Variants in BTD observed in about 807,000 individuals in gnomAD.
The protein encoded by BTD is biocytinase.
In BTD, 13 loss-of-function variants were observed where a neutral mutation model predicts 17.7. The ratio of observed to expected loss-of-function variants is 0.74; its 90% CI spans 0.48 to 1.17. The LOEUF (loss-of-function observed/expected upper bound fraction) is 1.17. Among genes scored for constraint, BTD ranks in the 50% most tolerant of loss-of-function variants. The pLI is 0.00. For missense variants in BTD, 674 were observed against 650.4 expected (o/e 1.04, Z -0.39); for synonymous variants, 240 against 245.2 (o/e 0.98, Z 0.20).
rs1385284105 is a variant in BTD at position 15,676,822 on chromosome 3, T to C, written c.400-33238T>C. On this transcript the variant is annotated intron_variant, in intron 3 of 3. Coordinates refer to the BTD transcript ENST00000672141. The stretch of plus-strand genomic sequence containing the variant: ...ATAATATGGCTTTTAGTTGTGATCA[T>C]TTTAGAAATGAGTTTTGACAGTTGT... The C allele has an allele frequency of 7.3e-6, 4 of 549,530 alleles. No homozygotes were observed. In the African/African-American group the frequency reaches 7.7e-5, roughly 11 times the overall value. The allele number at this position is 549,530 out of a possible 1,614,324, so 34.0% of individuals were successfully genotyped here.
chr3:15,703,925 A>G (rs2125986152), intron 3 of BTD, among the ~76,000 whole-genome samples: 1 of 152,320 alleles, frequency 6.6e-6, no homozygotes, highest in East Asian at 1.9e-4. Context: ...ATCTACATAC[A>G]CACAGAGCAA....
intron 2 of BTD, among the ~76,000 whole-genome samples, chr3:15,640,087 G>C (rs1057461998): frequency 3.3e-5 from 5 of 152,156 alleles, no homozygotes; most frequent in African/African-American, 1.2e-4. Context: ...CTGGGCGACA[G>C]ACCAAGACTC....
intron 1 of BTD, among the ~76,000 whole-genome samples, chr3:15,630,333 G>A (rs975755661): frequency 2.0e-4 from 30 of 152,310 alleles, no homozygotes; most frequent in African/African-American, 5.8e-4. Context: ...GTTTGTCCAC[G>A]GAGTGGCAGT....
At chr3:15,679,661 C>T (rs924305996) in intron 3 of BTD, 2 of 878,602 alleles carry the variant, frequency 2.3e-6, no homozygotes, top group Non-Finnish European at 3.6e-6. Flanking sequence ...GTAAAAGTCT[C>T]TCCCTCATCC....
downstream of BTD, among the ~76,000 whole-genome samples, chr3:15,658,179 A>G (rs201575953): frequency 1.6e-4 from 24 of 151,976 alleles, no homozygotes; most frequent in East Asian, 3.5e-3. Context: ...AAAAAAAAAA[A>G]AAAGAAAGAA....
downstream of BTD, among the ~76,000 whole-genome samples, chr3:15,653,894 T>C (rs1378556498): frequency 6.6e-6 from 1 of 152,244 alleles, no homozygotes; most frequent in Admixed American, 6.5e-5. Flanking sequence ...CTGTTACTGT[T>C]TTTTAAAATT....
chr3:15,707,440 A>G (rs2071609297), intron 3 of BTD, among the ~76,000 whole-genome samples: 1 of 152,236 alleles, frequency 6.6e-6, no homozygotes, highest in Non-Finnish European at 1.5e-5. Flanking sequence ...CCTACTACGT[A>G]CCAGATTCTG....
chr3:15,713,466 T>C, downstream of BTD: 1 of 1,264,748 alleles, frequency 7.9e-7, no homozygotes, highest in Non-Finnish European at 1.1e-6. Context: ...TCTAGAAAAC[T>C]GCAGTTCACT....
Position 15,708,104 on chromosome 3 carries a change from A to G in BTD, c.400-1956A>G, listed in dbSNP as rs773677063. On this transcript the variant is annotated intron_variant, in intron 3 of 3. Coordinates refer to the BTD transcript ENST00000672141. ...TTAATACAAGAAAGATAAAAGCCAG[A>G]GACATAACTAGTAAACAAAAGCATA... The G allele has an allele frequency of 5.8e-6, 9 of 1,560,802 alleles. No individual in the cohort carries two copies. The Admixed American group carries it at 1.3e-4, about 23-fold the overall frequency.
At chr3:15,678,240 C>T (rs368204050) in intron 3 of BTD, 26 of 1,611,634 alleles carry the variant, frequency 1.6e-5, no homozygotes, top group Non-Finnish European at 2.2e-5. Flanking sequence ...TTTCTGCAGC[C>T]ATCATAAGAG....
chr3:15,617,724 AAAAT>A (rs992533720), intron 1 of BTD, among the ~76,000 whole-genome samples: 2 of 152,218 alleles, frequency 1.3e-5, no homozygotes, highest in Non-Finnish European at 2.9e-5. Flanking sequence ...CCTCATTTGT[AAAAT>A]AAATAAATAA....
rs905555 is a variant in BTD, at chr3:15,651,452, G to A, written c.*5964G>A. Among the ~76,000 whole-genome samples the A allele has an allele frequency of 0.47, 72,012 of 152,080 alleles. 20,206 individuals are homozygous for A. The highest frequency in any genetic ancestry group is 0.64 in the Middle Eastern group (189 of 294). ...TACCCAGCGGCCAGCGACAGCAGGA[G>A]CTATGAGCACCCCAGGCCTGAAGGT... On this transcript the variant is annotated 3_prime_UTR_variant, in exon 4 of 4. Coordinates refer to ENST00000643237, the MANE Select transcript of BTD (RefSeq NM_001370658.1).
At chr3:15,665,945 A>C (rs187769913) in intron 3 of BTD, among the ~76,000 whole-genome samples, 85 of 152,370 alleles carry the variant, frequency 5.6e-4, no homozygotes, top group Admixed American at 5.2e-3. Flanking sequence ...AGTTACCCAC[A>C]CAAGCTGATG....
intron 1 of BTD, among the ~76,000 whole-genome samples, chr3:15,604,983 G>C (rs112207169): frequency 1.4e-3 from 214 of 152,200 alleles, no homozygotes; most frequent in African/African-American, 5.0e-3. Flanking sequence ...GGAAGTTCCA[G>C]ACTTTCCCAC....
chr3:15,607,957 G>A (rs1484956138), intron 1 of BTD, among the ~76,000 whole-genome samples: 1 of 152,164 alleles, frequency 6.6e-6, no homozygotes, highest in African/African-American at 2.4e-5. Context: ...TTAAATCTGT[G>A]GACTTCAGAG....
intron 3 of BTD, among the ~76,000 whole-genome samples, chr3:15,663,271 G>A (rs13081135): frequency 0.44 from 67,713 of 152,172 alleles, 17,926 homozygotes; most frequent in Non-Finnish European, 0.58. Context: ...TGGGATTACA[G>A]GCGTGAGCCG....
chr3:15,609,737 C>T (rs190431436), intron 1 of BTD, among the ~76,000 whole-genome samples: 156 of 152,094 alleles, frequency 1.0e-3, no homozygotes, highest in Admixed American at 1.8e-3. Context: ...TGCACATTTC[C>T]TTATTGGATT....
At chr3:15,679,217 A>T in intron 3 of BTD, 1 of 1,324,796 alleles carries the variant, frequency 7.5e-7, no homozygotes, top group Non-Finnish European at 1.1e-6. Context: ...TCATCCTCCC[A>T]CTTCAGCCTC....
rs1024224853 is a variant in BTD, at chr3:15,649,576, C to A, written c.*4088C>A. On this transcript the variant is annotated 3_prime_UTR_variant, in exon 4 of 4. Transcript: ENST00000643237. ...CAGCTCCGCCTGACCTCTGAGCTCA[C>A]ATGATGGCCCTTACTGTGAACCTGG... Among the ~76,000 whole-genome samples, 1 of 152,236 alleles carries A rather than the reference C, an allele frequency of 6.6e-6. No individual in the cohort carries two copies. Among genetic ancestry groups the A allele is most frequent in the Non-Finnish European group, 1.5e-5 (1 of 68,042 alleles).
Sources: gnomAD v4.1 joint callset for allele counts (sites outside exome capture counted in the v4.1 genomes callset) on GRCh38, gnomAD v4.1.1 for gene constraint, MANE v1.5 for transcripts, NCBI Gene and HGNC (gene_info 2026-07-23, HGNC 2026-07-21) for gene names.